The following NAT2 variants were observed in gnomAD, a reference collection of about 807,000 sequenced individuals.
NAT2 encodes the protein arylamine N-acetyltransferase 2.
For missense variants in NAT2, 428 were observed against 339.1 expected, an observed-to-expected ratio of 1.26 and a Z score of -2.06; for synonymous variants, 137 against 125.9, an observed-to-expected ratio of 1.09 and a Z score of -0.59.
chr8:18,400,776 T>C lies in NAT2; in HGVS notation c.773T>C (p.Leu258Pro). 1 of 1,613,474 alleles carries C rather than the reference T, an allele frequency of 6.2e-7. No homozygotes were observed. Among genetic ancestry groups the C allele is most frequent in the Non-Finnish European group, 8.5e-7 (1 of 1,179,888 alleles). Reference protein sequence around the residue: ...DNTDLVEFKTLTEEEVEEVLR... With the variant: ...DNTDLVEFKTPTEEEVEEVLR... ...ACAGATCTGGTCGAGTTTAAAACTC[T>C]CACTGAGGAAGAGGTTGAAGAAGTG... is the stretch of plus-strand genomic sequence containing the variant. Residue 258 changes from leucine to proline, a missense_variant, in exon 2 of 2, where the codon CTC (leucine) becomes CCC (proline). Leu to Pro is a moderately conservative substitution (Grantham distance 98). Coordinates refer to ENST00000286479, the MANE Select transcript of NAT2 (RefSeq NM_000015.3).
At chr8:18,395,951 CTTT>C (rs33992151) in intron 1 of NAT2, among the ~76,000 whole-genome samples, 1 of 134,506 alleles carries the variant, frequency 7.4e-6, no homozygotes, top group Non-Finnish European at 1.6e-5. Flanking sequence ...CCCAACCCAT[CTTT>C]TTTTTTTTTT....
chr8:18,392,468 G>A (rs1029781853), intron 1 of NAT2, among the ~76,000 whole-genome samples: 1 of 152,200 alleles, frequency 6.6e-6, no homozygotes, highest in Non-Finnish European at 1.5e-5. Flanking sequence ...GGAGAAAGAT[G>A]TAGGCTGGGA....
chr8:18,395,358 C>G (rs1800665378), intron 1 of NAT2, among the ~76,000 whole-genome samples: 1 of 151,964 alleles, frequency 6.6e-6, no homozygotes, highest in South Asian at 2.1e-4. Flanking sequence ...TTGGTTATTT[C>G]TGTGGCATAT....
chr8:18,389,907 G>A (rs779912014), upstream of NAT2, among the ~76,000 whole-genome samples: 3 of 152,162 alleles, frequency 2.0e-5, no homozygotes, highest in Non-Finnish European at 2.9e-5. Flanking sequence ...TTTGATTTAG[G>A]AGATGATTTA....
chr8:18,399,893 A>G, intron 1 of NAT2, 105 bp from the exon 2 acceptor site: 2 of 1,252,582 alleles, frequency 1.6e-6, no homozygotes, highest in Non-Finnish European at 2.2e-6. Flanking sequence ...ACTTATAACC[A>G]TTGTGTTTTT....
chr8:18,392,528 G>A (rs1410706761), intron 1 of NAT2, among the ~76,000 whole-genome samples: 1 of 152,180 alleles, frequency 6.6e-6, no homozygotes, highest in Non-Finnish European at 1.5e-5. Flanking sequence ...TTTCATTCTG[G>A]CTGTGCTGGC....
At chr8:18,390,656 A>G (rs1218284292), upstream of NAT2, among the ~76,000 whole-genome samples, 1 of 152,142 alleles carries the variant, frequency 6.6e-6, no homozygotes, top group Non-Finnish European at 1.5e-5. Flanking sequence ...TGGTGTGGAT[A>G]ATTATATTAT....
intron 1 of NAT2, among the ~76,000 whole-genome samples, chr8:18,394,533 A>T (rs370574931): frequency 1.3e-5 from 2 of 152,202 alleles, no homozygotes; most frequent in East Asian, 3.8e-4. Context: ...TCCTGAGCCC[A>T]ACCAAGGATT....
rs572253471 is a variant in NAT2, at chr8:18,398,251, T to C, written c.-6-1747T>C. On this transcript the variant is annotated intron_variant, in intron 1 of 1. Transcript: ENST00000286479. ...GGGGAAACCCAGCAAGACCTGTCTG[T>C]CTAGATTCCTCTTGACCTCTCTGAG... is the stretch of plus-strand genomic sequence containing the variant. Among the ~76,000 whole-genome samples, 6 of 152,326 alleles carry C rather than the reference T, an allele frequency of 3.9e-5. No homozygotes were observed. The South Asian group carries it at 1.2e-3, about 32-fold the overall frequency.
chr8:18,393,567 A>C (rs954508262), intron 1 of NAT2, among the ~76,000 whole-genome samples: 1 of 152,204 alleles, frequency 6.6e-6, no homozygotes, highest in Admixed American at 6.5e-5. Flanking sequence ...TTGCAGTGGC[A>C]ATGTCCCAGA....
intron 1 of NAT2, among the ~76,000 whole-genome samples, chr8:18,399,591 G>C (rs45529434): frequency 3.3e-5 from 5 of 152,106 alleles, no homozygotes; most frequent in Non-Finnish European, 5.9e-5. Flanking sequence ...CATGTACCAT[G>C]AATACCATAT....
At chr8:18,396,533 T>A (rs1026789048) in intron 1 of NAT2, among the ~76,000 whole-genome samples, 2 of 152,120 alleles carry the variant, frequency 1.3e-5, no homozygotes, top group Admixed American at 6.5e-5. Flanking sequence ...GTAGCTGGGA[T>A]TACAGCTGTG....
In NAT2 at chr8:18,398,109, A is replaced by T. The variant is rs1235419243; in HGVS notation, c.-6-1889A>T. On this transcript the variant is annotated intron_variant, in intron 1 of 1. Transcript: ENST00000286479. ...TTGGAGTGTGTATGCTGGAGTCTTC[A>T]GAATAAAGACCCCAACACACAGGGG... is the stretch of plus-strand genomic sequence containing the variant. Among the ~76,000 whole-genome samples, 3 of 152,342 alleles carry T rather than the reference A, an allele frequency of 2.0e-5. 1 individual carries two copies. The highest frequency in any genetic ancestry group is 3.9e-4 in the East Asian group (2 of 5,186).
In NAT2 at chr8:18,401,091, T is replaced by C. The variant is rs976246076; in HGVS notation, c.*215T>C. 3 of 410,156 alleles carry C rather than the reference T, an allele frequency of 7.3e-6. No homozygotes were observed. Among genetic ancestry groups the C allele is most frequent in the Non-Finnish European group, 1.3e-5 (3 of 227,638 alleles). 25.4% of individuals were successfully genotyped at this position (410,156 alleles called of 1,614,324 possible). ...TTTCAAATTAATAAAAATAAAGGCA[T>C]TTTAAGGATGGCCTGTGATTATCTT... On this transcript the variant is annotated 3_prime_UTR_variant, in exon 2 of 2. Coordinates refer to ENST00000286479, the MANE Select transcript of NAT2 (RefSeq NM_000015.3).
rs1800782060 is a variant in NAT2 at position 18,400,901 on chromosome 8, T to C, written c.*25T>C. 6.6e-6 allele frequency: 10 copies of C among 1,525,518 alleles called. No individual in the cohort carries two copies. Among genetic ancestry groups the C allele is most frequent in the Non-Finnish European group, 8.8e-6 (10 of 1,136,176 alleles). The allele number at this position is 1,525,518 out of a possible 1,614,324, so 94.5% of individuals were successfully genotyped here. A position where few individuals can be genotyped will look rare whatever the true frequency, so the allele number is the denominator to read the frequency against. On this transcript the variant is annotated 3_prime_UTR_variant, in exon 2 of 2. Transcript: ENST00000286479. ...GAATAAGGAACAAAATAAACCCTTG[T>C]GTATGTATCACCCAACTCACTAATT...
At chr8:18,392,202 T>A (rs568565400) in intron 1 of NAT2, among the ~76,000 whole-genome samples, 2 of 152,264 alleles carry the variant, frequency 1.3e-5, no homozygotes, top group South Asian at 2.1e-4. Context: ...CCAGGACCCT[T>A]TAGAGGGCCA....
intron 1 of NAT2, among the ~76,000 whole-genome samples, chr8:18,392,765 C>T (rs1306255455): frequency 4.6e-5 from 7 of 152,092 alleles, no homozygotes; most frequent in East Asian, 1.9e-4. Flanking sequence ...TGTATTATTC[C>T]GAGGCCACAG....
At chr8:18,397,051 G>T (rs183747599) in intron 1 of NAT2, among the ~76,000 whole-genome samples, 26 of 152,234 alleles carry the variant, frequency 1.7e-4, no homozygotes, top group African/African-American at 6.3e-4. Context: ...ATTAAGTAGA[G>T]ATATGGAGAA....
chr8:18,390,365 G>T (rs990022974), upstream of NAT2, among the ~76,000 whole-genome samples: 2 of 152,138 alleles, frequency 1.3e-5, no homozygotes, highest in East Asian at 3.9e-4. Context: ...AGAAAGTTAA[G>T]AGTTGTTACT....
Sources: allele counts gnomAD v4.1 joint callset (sites outside exome capture counted in the v4.1 genomes callset), GRCh38; gene constraint gnomAD v4.1.1; transcripts MANE v1.5; gene names NCBI Gene and HGNC (gene_info 2026-07-23, HGNC 2026-07-21).